Variants in PAPOLG observed in about 807,000 individuals in gnomAD.
PAPOLG encodes the protein PAP-gamma.
In PAPOLG, 40 loss-of-function variants were observed where a neutral mutation model predicts 99.0. The observed-to-expected ratio is 0.40, with a 90% CI of 0.31 to 0.53. The LOEUF (loss-of-function observed/expected upper bound fraction) is 0.53. Ranked by LOEUF, PAPOLG falls within the 20% of genes least tolerant of loss-of-function variation. PAPOLG has a pLI of 0.41. For synonymous variants in PAPOLG, 310 were observed against 299.3 expected (o/e 1.04, Z -0.37); for missense variants, 675 against 884.1 (o/e 0.76, Z 3.00).
At position 60,799,186 on chromosome 2, in the gene PAPOLG, C is replaced by A. The variant is rs1241784569; in HGVS notation, c.*2026C>A. 6.6e-6 allele frequency: 1 copy of A among 152,354 alleles called. No homozygotes were observed. The highest frequency in any genetic ancestry group is 1.5e-5 in the Non-Finnish European group (1 of 68,044). The allele number at this position is 152,354 out of a possible 1,614,324, so 9.4% of individuals were successfully genotyped here. ...CATTTCATATCTTTTGCTTTTAAATCAGCCTTCAAAGTATCTTTAGGAATT... is the reference window on the plus strand; with the variant it reads ...CATTTCATATCTTTTGCTTTTAAATAAGCCTTCAAAGTATCTTTAGGAATT... On this transcript the variant is annotated 3_prime_UTR_variant, in exon 22 of 22. Transcript: ENST00000238714.
At position 60,772,954 on chromosome 2, in the gene PAPOLG, C is replaced by T. The variant is rs138585837; in HGVS notation, c.604+1324C>T. Among the ~76,000 whole-genome samples the T allele has an allele frequency of 6.4e-3, 974 of 152,018 alleles. 28 individuals carry two copies. Among genetic ancestry groups the T allele is most frequent in the Admixed American group, 0.056 (847 of 15,258 alleles). On this transcript the variant is annotated intron_variant, in intron 7 of 21. Coordinates refer to ENST00000238714, the MANE Select transcript of PAPOLG (RefSeq NM_022894.4). Reference sequence around the variant, plus strand: ...TCTTTTCTTTTTTTTGAGACGGAGTCTCACACTGTTACCCAGGCTGGAGTG... The same window carrying T: ...TCTTTTCTTTTTTTTGAGACGGAGTTTCACACTGTTACCCAGGCTGGAGTG...
intron 8 of PAPOLG, among the ~76,000 whole-genome samples, chr2:60,778,615 A>G (rs977832842): frequency 2.8e-4 from 42 of 152,302 alleles, no homozygotes; most frequent in African/African-American, 9.9e-4. Context: ...ATGGTATGTG[A>G]ATTACATCTC....
intron 8 of PAPOLG, among the ~76,000 whole-genome samples, chr2:60,777,066 C>G (rs1671042646): frequency 6.6e-6 from 1 of 152,162 alleles, no homozygotes; most frequent in Non-Finnish European, 1.5e-5. Flanking sequence ...TCTCAGCCTT[C>G]ATATGATTGA....
intron 15 of PAPOLG, among the ~76,000 whole-genome samples, 153 bp downstream of exon 15, chr2:60,787,773 C>T (rs924878357): frequency 1.3e-5 from 2 of 152,124 alleles, no homozygotes; most frequent in African/African-American, 4.8e-5. Context: ...GGAAAGGAGC[C>T]GGGTGCGGTG....
chr2:60,774,982 A>T, intron 7 of PAPOLG, 52 bp from the exon 8 acceptor site: 1 of 1,607,438 alleles, frequency 6.2e-7, no homozygotes, highest in Middle Eastern at 1.7e-4. Flanking sequence ...GGGCATTTGA[A>T]TTAACTGAGA....
At chr2:60,763,627 C>A (rs541600069) in intron 3 of PAPOLG, among the ~76,000 whole-genome samples, 2 of 152,208 alleles carry the variant, frequency 1.3e-5, no homozygotes, top group African/African-American at 4.8e-5. Context: ...TCTTAGCCGC[C>A]CAAGTAGCTG....
intron 17 of PAPOLG, among the ~76,000 whole-genome samples, chr2:60,792,501 C>T (rs1420570682): frequency 2.0e-5 from 3 of 152,226 alleles, no homozygotes; most frequent in Non-Finnish European, 4.4e-5. Context: ...GATAGGTACA[C>T]AGAAATGTAC....
At chr2:60,774,602 G>A (rs1670962729) in intron 7 of PAPOLG, among the ~76,000 whole-genome samples, 1 of 152,104 alleles carries the variant, frequency 6.6e-6, no homozygotes, top group South Asian at 2.1e-4. Context: ...CTGACCTCAG[G>A]TGATCCACCC....
intron 6 of PAPOLG, 79 bp downstream of exon 6, chr2:60,770,590 A>C: frequency 1.1e-6 from 1 of 872,964 alleles, no homozygotes; most frequent in East Asian, 2.8e-5. Context: ...CAGGCTTAAC[A>C]TAAATGCATA....
rs1181881518 is a variant in PAPOLG, at chr2:60,798,172, T to TTTATTGAATCCTTTAGG, written c.*1020_*1021insTCCTTTAGGTTATTGAA. On this transcript the variant is annotated 3_prime_UTR_variant, in exon 22 of 22. Transcript: ENST00000238714. ...AGGCATGCAGAAATAAGCAGTGGAT[T>TTTATTGAATCCTTTAGG]TTATTGAAACCTAAAGGCATTTTGA... 6.5e-6 allele frequency: 1 copy of TTTATTGAATCCTTTAGG among 152,804 alleles called. No individual in the cohort carries two copies. The highest frequency in any genetic ancestry group is 1.5e-5 in the Non-Finnish European group (1 of 68,042). 9.5% of individuals were successfully genotyped at this position (152,804 alleles called of 1,614,324 possible).
intron 19 of PAPOLG, 176 bp from the exon 20 acceptor site, chr2:60,794,534 T>G: frequency 1.6e-6 from 1 of 628,316 alleles, no homozygotes; most frequent in Non-Finnish European, 2.7e-6. Context: ...ACCCAAACTG[T>G]AGAAATTAAC....
At chr2:60,765,097 G>T (rs993498877) in intron 3 of PAPOLG, among the ~76,000 whole-genome samples, 1 of 151,968 alleles carries the variant, frequency 6.6e-6, no homozygotes, top group African/African-American at 2.4e-5. Flanking sequence ...GGATCTCTCA[G>T]TCTGTCTCCC....
intron 1 of PAPOLG, 116 bp from the exon 2 acceptor site, chr2:60,760,018 T>C (rs1236633465): frequency 9.5e-7 from 1 of 1,053,408 alleles, no homozygotes; most frequent in South Asian, 1.6e-5. Context: ...ACTACTGTTA[T>C]TACTAAGTAA....
intron 1 of PAPOLG, among the ~76,000 whole-genome samples, chr2:60,759,633 T>C (rs1670465419): frequency 6.6e-6 from 1 of 152,226 alleles, no homozygotes; most frequent in Non-Finnish European, 1.5e-5. Context: ...ACAAATCTAA[T>C]TGTGATTTCT....
intron 21 of PAPOLG, among the ~76,000 whole-genome samples, chr2:60,795,814 G>A (rs967164969): frequency 2.0e-5 from 3 of 152,200 alleles, no homozygotes; most frequent in South Asian, 2.1e-4. Context: ...GCTATTAGTT[G>A]TAGATTTTGA....
intron 3 of PAPOLG, among the ~76,000 whole-genome samples, chr2:60,766,320 G>C (rs1259730301): frequency 6.6e-6 from 1 of 152,212 alleles, no homozygotes; most frequent in Non-Finnish European, 1.5e-5. Flanking sequence ...ACCAGGGAAG[G>C]CTTCATGGAA....
At chr2:60,772,599 C>T (rs1186036935) in intron 7 of PAPOLG, among the ~76,000 whole-genome samples, 1 of 151,908 alleles carries the variant, frequency 6.6e-6, no homozygotes, top group East Asian at 1.9e-4. Flanking sequence ...AAATAAAAAA[C>T]TAGCCAAGTG....
intron 1 of PAPOLG, among the ~76,000 whole-genome samples, chr2:60,756,880 C>G (rs1312110732): frequency 6.6e-6 from 1 of 152,122 alleles, no homozygotes; most frequent in East Asian, 1.9e-4. Flanking sequence ...CCCCCTCCTC[C>G]CTTCCCGACC....
At chr2:60,768,286 GAGA>G (rs1210031547) in intron 3 of PAPOLG, 181 bp from the exon 4 acceptor site, 1 of 168,198 alleles carries the variant, frequency 5.9e-6, no homozygotes, top group Non-Finnish European at 1.2e-5. Context: ...ATTCCTAGTA[GAGA>G]AGAAGTTTTG....
Sources: allele counts gnomAD v4.1 joint callset (sites outside exome capture counted in the v4.1 genomes callset), GRCh38; gene constraint gnomAD v4.1.1; transcripts MANE v1.5; gene names NCBI Gene and HGNC (gene_info 2026-07-23, HGNC 2026-07-21).